SNUPN: variants seen among roughly 807,000 people sequenced by gnomAD.
The protein encoded by SNUPN is snurportin-1.
In SNUPN, 31 loss-of-function variants were observed where a neutral mutation model predicts 39.2. That is an observed-to-expected ratio of 0.79 (90% CI 0.59 to 1.07). The LOEUF is 1.07. Ranked by LOEUF, SNUPN falls within the 50% of genes least tolerant of loss-of-function variation. The probability of loss-of-function intolerance (pLI) is 0.00; values close to 1 mark genes in which losing one functional copy is unlikely to be tolerated. For synonymous variants in SNUPN, 132 were observed against 159.0 expected (o/e 0.83, Z 1.28); for missense variants, 382 against 434.2 (o/e 0.88, Z 1.07).
At chr15:75,606,093 C>G (rs1226228182) in intron 6 of SNUPN, among the ~76,000 whole-genome samples, 3 of 152,232 alleles carry the variant, frequency 2.0e-5, no homozygotes, top group African/African-American at 7.2e-5. Flanking sequence ...TGCAGTGAGC[C>G]CAGATCGCAG....
intron 1 of SNUPN, chr15:75,624,763 T>G: frequency 3.9e-6 from 5 of 1,283,560 alleles, no homozygotes; most frequent in Non-Finnish European, 5.1e-6. Flanking sequence ...CGTTTTGTTT[T>G]TTCTTTGTTG....
intron 3 of SNUPN, 87 bp from the exon 4 acceptor site, chr15:75,610,081 A>G: frequency 9.8e-7 from 1 of 1,020,206 alleles, no homozygotes; most frequent in Non-Finnish European, 1.5e-6. Flanking sequence ...TCCTGTGTGT[A>G]TATTAAAAAC....
rs1267066984 is a variant in SNUPN at position 75,621,030 on chromosome 15, G to C, written c.22C>G (p.Leu8Val). The C allele has an allele frequency of 6.2e-7, 1 of 1,613,798 alleles. No homozygotes were observed. The highest frequency in any genetic ancestry group is 2.2e-5 in the East Asian group (1 of 44,878). ...TGAGACACAGAAAAGCTACTAGCCA[G>C]GGCCTGACTCAACTCTTCCATCTTC... MEELSQA[L>V]ASSFSVSQDL... The change falls in exon 2 of 9, where the codon CTG (leucine) becomes GTG (valine). Residue 8 changes from leucine (L) to valine (V), a missense_variant. Physicochemically the swap from Leu to Val is conservative, Grantham distance 32 (BLOSUM62 1). Transcript: ENST00000308588.
In SNUPN at chr15:75,598,155, T is replaced by C. The variant is rs2075255907; in HGVS notation, c.*203A>G. ...CTTATCACAGTAGGAGCTGCTCAAA[T>C]CAATCTGAATGCTACGCAATCTGGG... On this transcript the variant is annotated 3_prime_UTR_variant, in exon 9 of 9. Transcript: ENST00000308588. 1.8e-6 allele frequency: 1 copy of C among 553,728 alleles called. No individual in the cohort carries two copies. The highest frequency in any genetic ancestry group is 1.9e-5 in the African/African-American group (1 of 53,342). 34.3% of individuals were successfully genotyped at this position (553,728 alleles called of 1,614,324 possible).
chr15:75,611,397 C>T (rs1892775978), intron 3 of SNUPN, among the ~76,000 whole-genome samples: 1 of 150,410 alleles, frequency 6.6e-6, no homozygotes, highest in South Asian at 2.1e-4. Context: ...GGACTACAGT[C>T]ACCCGCCACT....
At chr15:75,598,716 T>C (rs2075262054) in intron 8 of SNUPN, 35 bp from the exon 9 acceptor site, 1 of 1,523,104 alleles carries the variant, frequency 6.6e-7, no homozygotes, top group South Asian at 1.2e-5. Context: ...ATCAAATGAC[T>C]TCTGGGGCCA....
intron 3 of SNUPN, among the ~76,000 whole-genome samples, chr15:75,612,391 C>A (rs181092718): frequency 9.9e-5 from 15 of 152,242 alleles, no homozygotes; most frequent in African/African-American, 3.6e-4. Flanking sequence ...ATGCTACCAG[C>A]CACATCTCCC....
At chr15:75,621,194 G>C in intron 1 of SNUPN, 138 bp from the exon 2 acceptor site, 1 of 726,044 alleles carries the variant, frequency 1.4e-6, no homozygotes, top group Admixed American at 3.2e-5. Context: ...GTTTCCATGA[G>C]ACAAAAGGAA....
At chr15:75,611,800 A>G (rs1892789734) in intron 3 of SNUPN, among the ~76,000 whole-genome samples, 2 of 150,956 alleles carry the variant, frequency 1.3e-5, no homozygotes, top group African/African-American at 4.9e-5. Context: ...GGTTGCAGTG[A>G]GCCGAGATAG....
intron 3 of SNUPN, among the ~76,000 whole-genome samples, chr15:75,610,881 T>A (rs1280232572): frequency 6.6e-6 from 1 of 152,180 alleles, no homozygotes; most frequent in Non-Finnish European, 1.5e-5. Context: ...AAAGACTTTG[T>A]CCCATGGGCT....
chr15:75,610,368 C>G (rs1253841580), intron 3 of SNUPN, among the ~76,000 whole-genome samples: 1 of 150,634 alleles, frequency 6.6e-6, no homozygotes, highest in African/African-American at 2.4e-5. Context: ...CCATTGCACT[C>G]CAGCCTGGGC....
intron 7 of SNUPN, 142 bp from the exon 8 acceptor site, chr15:75,601,360 A>ATTTC (rs2075285279): frequency 1.7e-6 from 1 of 593,500 alleles, no homozygotes; most frequent in Non-Finnish European, 3.1e-6. Flanking sequence ...GGATCACCTG[A>ATTTC]GGTCAAGAAA....
At chr15:75,606,820 T>A (rs1244184193) in intron 6 of SNUPN, among the ~76,000 whole-genome samples, 1 of 152,022 alleles carries the variant, frequency 6.6e-6, no homozygotes, top group Non-Finnish European at 1.5e-5. Flanking sequence ...GATGGTGACT[T>A]ACATTCAATT....
intron 3 of SNUPN, among the ~76,000 whole-genome samples, chr15:75,614,957 C>T (rs532031691): frequency 2.0e-5 from 3 of 152,252 alleles, no homozygotes; most frequent in African/African-American, 7.2e-5. Context: ...GGCTAAAATA[C>T]CTTGCTTAAG....
At chr15:75,608,724 C>T (rs1269293701) in intron 5 of SNUPN, among the ~76,000 whole-genome samples, 1 of 152,196 alleles carries the variant, frequency 6.6e-6, no homozygotes, top group Non-Finnish European at 1.5e-5. Flanking sequence ...GACCTTAATT[C>T]AGGAATTTAC....
chr15:75,607,327 G>C lies in SNUPN; in HGVS notation c.503-14C>G. 2.5e-6 allele frequency: 4 copies of C among 1,569,606 alleles called. No homozygotes were observed. Among genetic ancestry groups the C allele is most frequent in the Non-Finnish European group, 3.5e-6 (4 of 1,139,598 alleles). On this transcript the variant is annotated splice_polypyrimidine_tract_variant and intron_variant, in intron 5 of 8. Coordinates refer to ENST00000308588, the MANE Select transcript of SNUPN (RefSeq NM_005701.4). Reference sequence around the variant, plus strand: ...GAATGGTGTAGTCTGAGGACACAAAGCAGAAAGTCAGCACAGAGTTCTTCT... The same window carrying C: ...GAATGGTGTAGTCTGAGGACACAAACCAGAAAGTCAGCACAGAGTTCTTCT...
At chr15:75,623,954 G>A (rs552193590) in intron 1 of SNUPN, among the ~76,000 whole-genome samples, 1 of 133,530 alleles carries the variant, frequency 7.5e-6, no homozygotes, top group East Asian at 2.2e-4. Flanking sequence ...TTGAGACGGA[G>A]TCTCGCTCTG....
At chr15:75,612,027 CCTTT>C (rs1892794639) in intron 3 of SNUPN, among the ~76,000 whole-genome samples, 1 of 66,562 alleles carries the variant, frequency 1.5e-5, no homozygotes, top group East Asian at 4.4e-4. Context: ...CATAACTCTT[CCTTT>C]TTTTCCTTTT....
intron 3 of SNUPN, among the ~76,000 whole-genome samples, chr15:75,615,197 G>A (rs769172752): frequency 1.2e-4 from 18 of 152,088 alleles, no homozygotes; most frequent in Non-Finnish European, 2.1e-4. Context: ...GCTAATTTTT[G>A]TATTTTTAAT....
Sources: allele counts gnomAD v4.1 joint callset (sites outside exome capture counted in the v4.1 genomes callset), GRCh38; gene constraint gnomAD v4.1.1; transcripts MANE v1.5; gene names NCBI Gene and HGNC (gene_info 2026-07-23, HGNC 2026-07-21).